SLCO5A1: variants seen among roughly 807,000 people sequenced by gnomAD.
SLCO5A1 encodes the protein solute carrier organic anion transporter family member 5A1, also known as organic anion transporter polypeptide-related protein 4.
SLCO5A1 carries 39 observed loss-of-function variants against 65.1 expected under a neutral mutation model. That is an observed-to-expected ratio of 0.60 (90% CI 0.46 to 0.78). SLCO5A1 has a LOEUF of 0.78. SLCO5A1 is among the 30% of genes least tolerant of loss of function. SLCO5A1 has a pLI of 0.00. For missense variants in SLCO5A1, 1,029 were observed against 1,069.4 expected (o/e 0.96, Z 0.53); for synonymous variants, 438 against 415.7 (o/e 1.05, Z -0.65).
intron 2 of SLCO5A1, among the ~76,000 whole-genome samples, chr8:69,784,891 AAAG>A (rs1563722975): frequency 5.8e-5 from 6 of 104,334 alleles, no homozygotes; most frequent in African/African-American, 2.5e-4. Context: ...AAGAAAGAAG[AAAG>A]GAAGAAAGAA....
At chr8:69,686,105 G>A (rs1813987700) in intron 6 of SLCO5A1, among the ~76,000 whole-genome samples, 1 of 151,954 alleles carries the variant, frequency 6.6e-6, no homozygotes, top group Non-Finnish European at 1.5e-5. Flanking sequence ...TCAAAGAGAA[G>A]TCCCCTAACT....
Position 69,705,134 on chromosome 8 carries a change from C to A in SLCO5A1, c.1519G>T (p.Ala507Ser), listed in dbSNP as rs769236958. 5 of 1,614,158 alleles carry A rather than the reference C, an allele frequency of 3.1e-6. No homozygotes were observed. The South Asian group carries it at 3.3e-5, about 11-fold the overall frequency. Reference sequence around the variant, plus strand: ...AAAGACACACCACTGCAGATCATTGCTAGTTTTGCAGATTCTCTGGCACCA... The same window carrying A: ...AAAGACACACCACTGCAGATCATTGATAGTTTTGCAGATTCTCTGGCACCA... ...KLGARESAKL[A>S]MICSGVSLLC... Residue 507 changes from alanine to serine, a missense_variant, in exon 6 of 10, where the codon GCA (alanine) becomes TCA (serine). Transcript: ENST00000260126.
chr8:69,826,967 A>G (rs925387652), intron 2 of SLCO5A1, among the ~76,000 whole-genome samples: 5 of 152,170 alleles, frequency 3.3e-5, no homozygotes, highest in African/African-American at 1.2e-4. Context: ...CTATGCAGCC[A>G]TATAAAATGA....
chr8:69,749,628 A>AAAAAAG (rs1563699238), intron 4 of SLCO5A1, among the ~76,000 whole-genome samples: 1 of 152,076 alleles, frequency 6.6e-6, no homozygotes, highest in East Asian at 1.9e-4. Flanking sequence ...AGTCTCAAAA[A>AAAAAAG]AAAAAGAAAA....
chr8:69,769,447 C>T (rs187669038), intron 2 of SLCO5A1, among the ~76,000 whole-genome samples: 20 of 152,272 alleles, frequency 1.3e-4, no homozygotes, highest in African/African-American at 4.8e-4. Context: ...CCCCAGCCCC[C>T]ACACCTGTGC....
chr8:69,829,382 G>GA (rs558982947), intron 2 of SLCO5A1, among the ~76,000 whole-genome samples: 198 of 152,268 alleles, frequency 1.3e-3, no homozygotes, highest in Non-Finnish European at 2.4e-3. Flanking sequence ...CATGGAAAAA[G>GA]AAAAAAGTTG....
chr8:69,676,481 C>G (rs1813554571), intron 9 of SLCO5A1, 128 bp downstream of exon 9: 2 of 666,858 alleles, frequency 3.0e-6, no homozygotes, highest in Non-Finnish European at 5.0e-6. Context: ...AAGTTGTACC[C>G]TCACCACTAG....
chr8:69,680,367 T>C (rs1223888282), intron 7 of SLCO5A1, among the ~76,000 whole-genome samples: 1 of 152,206 alleles, frequency 6.6e-6, no homozygotes, highest in African/African-American at 2.4e-5. Context: ...CTCCCACTTA[T>C]AAGTGAGAAC....
chr8:69,783,927 G>T (rs1818907189), intron 2 of SLCO5A1, among the ~76,000 whole-genome samples: 1 of 152,154 alleles, frequency 6.6e-6, no homozygotes, highest in African/African-American at 2.4e-5. Context: ...GGCAATGTAA[G>T]TTCATCACTT....
At chr8:69,792,023 G>C (rs1309481538) in intron 2 of SLCO5A1, among the ~76,000 whole-genome samples, 1 of 152,038 alleles carries the variant, frequency 6.6e-6, no homozygotes. Context: ...TCAAATATTA[G>C]ATATATTAAT....
chr8:69,733,205 A>G (rs1003447914), intron 5 of SLCO5A1, among the ~76,000 whole-genome samples: 2 of 152,150 alleles, frequency 1.3e-5, no homozygotes, highest in African/African-American at 4.8e-5. Context: ...AAAGTGCACA[A>G]CTTCAGATGT....
At chr8:69,686,020 C>A (rs1813982098) in intron 6 of SLCO5A1, among the ~76,000 whole-genome samples, 1 of 152,132 alleles carries the variant, frequency 6.6e-6, no homozygotes, top group East Asian at 1.9e-4. Flanking sequence ...ATCACCCTAC[C>A]CCAAGATCTA....
chr8:69,825,317 T>C (rs1201119675), intron 2 of SLCO5A1, among the ~76,000 whole-genome samples: 2 of 152,098 alleles, frequency 1.3e-5, no homozygotes, highest in Non-Finnish European at 2.9e-5. Flanking sequence ...GGTATTCAAT[T>C]AGGAAAAGAG....
intron 5 of SLCO5A1, among the ~76,000 whole-genome samples, chr8:69,721,561 C>T (rs1815815441): frequency 1.3e-5 from 2 of 152,274 alleles, no homozygotes; most frequent in Middle Eastern, 3.4e-3. Context: ...CTAGTGCTCC[C>T]ATAAACATAC....
At chr8:69,722,087 G>A (rs180786869) in intron 5 of SLCO5A1, among the ~76,000 whole-genome samples, 7 of 152,220 alleles carry the variant, frequency 4.6e-5, no homozygotes, top group African/African-American at 7.2e-5. Flanking sequence ...CAGGAGAATC[G>A]CCTGAGACCA....
At chr8:69,781,816 C>T (rs910100718) in intron 2 of SLCO5A1, among the ~76,000 whole-genome samples, 4 of 152,014 alleles carry the variant, frequency 2.6e-5, no homozygotes, top group Non-Finnish European at 5.9e-5. Context: ...CACCACCACA[C>T]CCAGCTCATT....
chr8:69,687,424 C>T (rs1424294545), intron 6 of SLCO5A1, among the ~76,000 whole-genome samples: 1 of 152,182 alleles, frequency 6.6e-6, no homozygotes, highest in Admixed American at 6.5e-5. Context: ...TTAAAGCTCC[C>T]TTCAGCTTTG....
In SLCO5A1 at chr8:69,738,181, T is replaced by A. The variant is rs761220029; in HGVS notation, c.1282A>T (p.Ile428Phe). 1 of 1,611,046 alleles carries A rather than the reference T, an allele frequency of 6.2e-7. No individual in the cohort carries two copies. The highest frequency in any genetic ancestry group is 1.1e-5 in the South Asian group (1 of 90,572). Residue 428 changes from isoleucine (I) to phenylalanine (F), a missense_variant, in exon 5 of 10, where the codon ATC becomes TTC. Coordinates refer to ENST00000260126, the MANE Select transcript of SLCO5A1 (RefSeq NM_030958.3). The stretch of plus-strand genomic sequence containing the variant: ...AAAAGGAATGTCATGTTGCTTAAGA[T>A]CCTGACAGCTGCTCTTGGTAGGTCT... ...VRDLPRAAVR[I>F]LSNMTFLFVS...
chr8:69,803,335 T>C (rs1263704215), intron 2 of SLCO5A1, among the ~76,000 whole-genome samples: 1 of 152,148 alleles, frequency 6.6e-6, no homozygotes, highest in Non-Finnish European at 1.5e-5. Context: ...GAGAATCACT[T>C]GAACCTGGGA....
Sources: gnomAD v4.1 joint callset for allele counts (sites outside exome capture counted in the v4.1 genomes callset) on GRCh38, gnomAD v4.1.1 for gene constraint, MANE v1.5 for transcripts, NCBI Gene and HGNC (gene_info 2026-07-23, HGNC 2026-07-21) for gene names.